Variants in ZCCHC8 observed in about 807,000 individuals in gnomAD.
ZCCHC8 encodes zinc finger CCHC-type containing 8, also known as zinc finger CCHC domain-containing protein 8.
Under a neutral mutation model 70.6 loss-of-function variants are expected in ZCCHC8, and 27 were observed. The observed-to-expected ratio is 0.38, with a 90% confidence interval of 0.28 to 0.53. The LOEUF is 0.53. Among genes scored for constraint, ZCCHC8 ranks in the 20% least tolerant of loss-of-function variants. The probability of loss-of-function intolerance (pLI) is 0.81; values close to 1 mark genes in which losing one functional copy is unlikely to be tolerated. For missense variants in ZCCHC8, 737 were observed against 876.9 expected, an observed-to-expected ratio of 0.84 and a Z score of 2.01; for synonymous variants, 293 against 317.4, an observed-to-expected ratio of 0.92 and a Z score of 0.82.
At chr12:122,491,832 A>G (rs1388614522) in intron 3 of ZCCHC8, among the ~76,000 whole-genome samples, 1 of 150,642 alleles carries the variant, frequency 6.6e-6, no homozygotes, top group Non-Finnish European at 1.5e-5. Flanking sequence ...CCATCTCAAA[A>G]AAAAAAAAAA....
chr12:122,489,519 A>G (rs1163541590), intron 4 of ZCCHC8, 56 bp from the exon 5 acceptor site: 7 of 1,468,300 alleles, frequency 4.8e-6, no homozygotes, highest in Non-Finnish European at 5.7e-6. Context: ...ACCAGTTTAA[A>G]TGGAAGTTAG....
intron 12 of ZCCHC8, 28 bp downstream of exon 12, chr12:122,478,178 A>G (rs750738472): frequency 1.3e-6 from 2 of 1,525,352 alleles, no homozygotes; most frequent in African/African-American, 2.7e-5. Context: ...ACAACATTTT[A>G]TAGAGCACAC....
intron 8 of ZCCHC8, 75 bp downstream of exon 8, chr12:122,482,560 T>C (rs1957556832): frequency 5.2e-6 from 6 of 1,149,266 alleles, no homozygotes; most frequent in Middle Eastern, 2.7e-4. Flanking sequence ...CTTCATGTCA[T>C]ACAATAACAT....
intron 12 of ZCCHC8, 72 bp downstream of exon 12, chr12:122,478,134 A>T (rs1957456049): frequency 3.6e-6 from 5 of 1,372,684 alleles, no homozygotes; most frequent in Non-Finnish European, 5.1e-6. Context: ...AAAGGCTGTA[A>T]GACGCTAATA....
Position 122,477,966 on chromosome 12 carries a change from A to T in ZCCHC8, c.1228-8T>A. 6.3e-7 allele frequency: 1 copy of T among 1,599,468 alleles called. No individual in the cohort carries two copies. Among genetic ancestry groups the T allele is most frequent in the Non-Finnish European group, 8.6e-7 (1 of 1,166,768 alleles). On this transcript the variant is annotated splice_polypyrimidine_tract_variant and splice_region_variant and intron_variant, in intron 12 of 13. Coordinates refer to ENST00000633063, the MANE Select transcript of ZCCHC8 (RefSeq NM_017612.5). Reference sequence around the variant, plus strand: ...GCCAGACTTCACACCTGGCTAAAAGAGCAACCAGACCAAACACAAGTTAAG... The same window carrying T: ...GCCAGACTTCACACCTGGCTAAAAGTGCAACCAGACCAAACACAAGTTAAG...
chr12:122,475,141 G>A (rs1160752106), intron 13 of ZCCHC8, among the ~76,000 whole-genome samples: 24 of 151,978 alleles, frequency 1.6e-4, no homozygotes, highest in Admixed American at 1.4e-3. Flanking sequence ...TCTGCCTCCC[G>A]GGTTCAAGCA....
At chr12:122,489,230 CTG>C (rs1957701459) in intron 5 of ZCCHC8, among the ~76,000 whole-genome samples, 154 bp downstream of exon 5, 1 of 152,220 alleles carries the variant, frequency 6.6e-6, no homozygotes, top group Non-Finnish European at 1.5e-5. Flanking sequence ...AAACAGCAAA[CTG>C]AGGCTAAAGT....
Position 122,472,929 on chromosome 12 carries a change from C to T in ZCCHC8, c.*568G>A, listed in dbSNP as rs961293821. On this transcript the variant is annotated 3_prime_UTR_variant, in exon 14 of 14. Coordinates refer to ENST00000633063, the MANE Select transcript of ZCCHC8 (RefSeq NM_017612.5). ...AAAACTAATTTATTAAACCTCTGTA[C>T]ACAAAGATGAACATACCTGTATAGC... 1.3e-5 allele frequency: 2 copies of T among 152,214 alleles called. No homozygotes were observed. Among genetic ancestry groups the T allele is most frequent in the South Asian group, 4.1e-4 (2 of 4,844 alleles). The allele number at this position is 152,214 out of a possible 1,614,324, so 9.4% of individuals were successfully genotyped here. A position where few individuals can be genotyped will look rare whatever the true frequency, so the allele number is the denominator to read the frequency against.
chr12:122,474,070 T>C lies in ZCCHC8; in HGVS notation c.1551A>G (p.Leu517=), dbSNP rs1957368276. ...GCCTCTGCTGTTCTTCAAGTTCTTC[T>C]AGAGTCAGTGCGTCCTCATCCACAG... The part of the protein sequence containing the change: ...SGAVDEDALT[L]EELEEQQRRI... Residue 517 remains leucine (L), a synonymous_variant, in exon 14 of 14, where the codon CTA becomes CTG. Coordinates refer to ENST00000633063, the MANE Select transcript of ZCCHC8 (RefSeq NM_017612.5). 1 of 1,523,226 alleles carries C rather than the reference T, an allele frequency of 6.6e-7. No individual in the cohort carries two copies. 94.4% of individuals were successfully genotyped at this position (1,523,226 alleles called of 1,614,324 possible).
At chr12:122,495,862 A>G (rs1461746701) in intron 2 of ZCCHC8, among the ~76,000 whole-genome samples, 3 of 10,818 alleles carry the variant, frequency 2.8e-4, no homozygotes, top group East Asian at 6.7e-3. Flanking sequence ...AAAAAAAAAA[A>G]AAAAAAAAAA....
chr12:122,491,849 T>A (rs1957751981), intron 3 of ZCCHC8, among the ~76,000 whole-genome samples: 2 of 151,662 alleles, frequency 1.3e-5, no homozygotes, highest in South Asian at 2.1e-4. Flanking sequence ...AAAAAAAGAT[T>A]TCTGCAGGTG....
Position 122,500,421 on chromosome 12 carries a change from G to A in ZCCHC8, c.199+221C>T. The A allele has an allele frequency of 3.3e-6, 2 of 612,116 alleles. No homozygotes were observed. The highest frequency in any genetic ancestry group is 2.9e-5 in the East Asian group (1 of 34,332). The allele number at this position is 612,116 out of a possible 1,614,324, so 37.9% of individuals were successfully genotyped here. A position where few individuals can be genotyped will look rare whatever the true frequency, so the allele number is the denominator to read the frequency against. The stretch of plus-strand genomic sequence containing the variant: ...GAGGCAGGAGTGGGTCTGGTCAGGA[G>A]ACGGCCTCCCTGAGGGGAAGAGGTC... On this transcript the variant is annotated intron_variant, in intron 1 of 13. Transcript: ENST00000633063. This position sits in a 1 kb window ranked among gnomAD's most constrained non-coding sequence, Gnocchi z 4.8.
rs541394783 is a variant in ZCCHC8 at position 122,485,406 on chromosome 12, G to A, written c.502-1843C>T. On this transcript the variant is annotated intron_variant, in intron 5 of 13. Transcript: ENST00000633063. ...TGGGATTACTGGCATGAGCCACTGC[G>A]CCTGGCCTAAGTTATCACTTTTTAA... Among the ~76,000 whole-genome samples the A allele has an allele frequency of 1.2e-4, 18 of 152,284 alleles. No homozygotes were observed. In the South Asian group the frequency reaches 1.9e-3, roughly 16 times the overall value.
In ZCCHC8 at chr12:122,490,497, C is replaced by A; in HGVS notation, c.388G>T (p.Asp130Tyr). The A allele has an allele frequency of 1.9e-6, 3 of 1,612,928 alleles. No homozygotes were observed. Among genetic ancestry groups the A allele is most frequent in the Non-Finnish European group, 2.5e-6 (3 of 1,179,374 alleles). ...AGATTAAAGGAAGTCTTTTCCACAT[C>A]ATTTTTCTGCTGTTCCTCAAATCTT... ...VKRFEEQQKN[D>Y]VEKTSFNLLP... The change falls in exon 4 of 14, where the codon GAT becomes TAT. Residue 130 changes from aspartate (D) to tyrosine (Y), a missense_variant. Asp to Tyr is a radical substitution (Grantham distance 160). Coordinates refer to ENST00000633063, the MANE Select transcript of ZCCHC8 (RefSeq NM_017612.5).
intron 5 of ZCCHC8, among the ~76,000 whole-genome samples, chr12:122,489,117 A>G (rs1957698199): frequency 6.6e-6 from 1 of 152,172 alleles, no homozygotes; most frequent in African/African-American, 2.4e-5. Flanking sequence ...TGCTTTCTAT[A>G]TCTTCATCCA....
chr12:122,498,775 A>G (rs1957870062), intron 2 of ZCCHC8, 52 bp downstream of exon 2: 3 of 1,528,996 alleles, frequency 2.0e-6, no homozygotes, highest in African/African-American at 1.4e-5. Flanking sequence ...AAATATTAAT[A>G]TCAGGATAAA....
chr12:122,486,554 G>A, intron 5 of ZCCHC8, among the ~76,000 whole-genome samples: 1 of 151,494 alleles, frequency 6.6e-6, no homozygotes, highest in Non-Finnish European at 1.5e-5. Context: ...CAGACCACGT[G>A]CTCCAGACTC....
Position 122,473,680 on chromosome 12 carries a change from G to A in ZCCHC8, c.1941C>T (p.Asp647=), listed in dbSNP as rs766694396. 34 of 1,614,032 alleles carry A rather than the reference G, an allele frequency of 2.1e-5. No homozygotes were observed. The Admixed American group carries it at 2.8e-4, about 13-fold the overall frequency. The change falls in exon 14 of 14, where the codon GAC becomes GAT. Residue 647 remains aspartate, a synonymous_variant. Coordinates refer to ENST00000633063, the MANE Select transcript of ZCCHC8 (RefSeq NM_017612.5). ...TTTTAGTGGCCGTTGAAGGACTGGT[G>A]TCTGCAGGAAAGAGCTTCTGGCTGC... The part of the protein sequence containing the change: ...NGGSQKLFPA[D]TSPSTATKIH...
chr12:122,477,747 G>A (rs1470186322), intron 13 of ZCCHC8, 94 bp downstream of exon 13: 60 of 932,490 alleles, frequency 6.4e-5, no homozygotes, highest in Non-Finnish European at 9.0e-5. Context: ...CCGAGATCAC[G>A]CCATTGTACT....
Sources: gnomAD v4.1 joint callset for allele counts (sites outside exome capture counted in the v4.1 genomes callset) on GRCh38, gnomAD v4.1.1 for gene constraint, Gnocchi (gnomAD v3.1) non-coding constraint, MANE v1.5 for transcripts, NCBI Gene and HGNC (gene_info 2026-07-23, HGNC 2026-07-21) for gene names.